The following TMEM131L variants were observed in gnomAD, a reference collection of about 807,000 sequenced individuals.
The protein encoded by TMEM131L is transmembrane protein 131-like.
TMEM131L carries 54 observed loss-of-function variants against 192.2 expected under a neutral mutation model. The ratio of observed to expected loss-of-function variants is 0.28; its 90% CI spans 0.23 to 0.35. TMEM131L has a LOEUF of 0.35. Among genes scored for constraint, TMEM131L ranks in the 10% least tolerant of loss-of-function variants. The probability of loss-of-function intolerance (pLI) is 1.00; values close to 1 mark genes in which losing one functional copy is unlikely to be tolerated. For missense variants in TMEM131L, 1,888 were observed against 1,972.9 expected (o/e 0.96, Z 0.82); for synonymous variants, 701 against 704.9 (o/e 0.99, Z 0.09).
intron 34 of TMEM131L, 62 bp downstream of exon 34, chr4:153,635,633 C>T: frequency 6.3e-7 from 1 of 1,581,868 alleles, no homozygotes; most frequent in Non-Finnish European, 8.7e-7. Context: ...TCCACTGCTT[C>T]CTTAATCCTG....
Position 153,555,769 on chromosome 4 carries a change from C to T in TMEM131L, c.309-18C>T. ...AACCACACAATACATTGATTTTTCT[C>T]TTTGTTTCTCCTCCTAGGTTCCTGG... On this transcript the variant is annotated intron_variant, in intron 4 of 34. Transcript: ENST00000409959. This position sits in a 1 kb window ranked among gnomAD's most constrained non-coding sequence, Gnocchi z 4.1. The T allele has an allele frequency of 6.5e-7, 1 of 1,546,104 alleles. No individual in the cohort carries two copies. Among genetic ancestry groups the T allele is most frequent in the African/African-American group, 1.4e-5 (1 of 72,966 alleles).
intron 3 of TMEM131L, among the ~76,000 whole-genome samples, chr4:153,476,677 A>ACAGATT: frequency 6.6e-6 from 1 of 152,272 alleles, no homozygotes; most frequent in South Asian, 2.1e-4. Flanking sequence ...AGCCTGGGAG[A>ACAGATT]CAGATTCCAT....
intron 3 of TMEM131L, among the ~76,000 whole-genome samples, chr4:153,506,261 T>G (rs1733976073): frequency 6.6e-6 from 1 of 152,192 alleles, no homozygotes; most frequent in African/African-American, 2.4e-5. Context: ...TTCTCAAGGA[T>G]TCCTTGCAAA....
At chr4:153,596,511 G>A in intron 20 of TMEM131L, 126 bp downstream of exon 20, 1 of 1,125,360 alleles carries the variant, frequency 8.9e-7, no homozygotes, top group Non-Finnish European at 1.3e-6. Context: ...TTGCGGGGTA[G>A]GAAGAAGTGG....
At chr4:153,589,059 A>G (rs955869768) in intron 16 of TMEM131L, 52 bp downstream of exon 16, 1 of 952,440 alleles carries the variant, frequency 1.0e-6, no homozygotes, top group Admixed American at 1.7e-5. Flanking sequence ...ACACTGTTAC[A>G]GTAGTCCCTC....
At position 153,581,497 on chromosome 4, in the gene TMEM131L, A is replaced by G; in HGVS notation, c.829A>G (p.Thr277Ala). ...ENFSKEFEEN[T>A]QHLLDHLSIV... ...CTTTTCAAAAGAATTTGAAGAAAAC[A>G]CACAACATTTGTTAGATCATCTCTC... Residue 277 changes from threonine (T) to alanine (A), a missense_variant, in exon 9 of 35, where the codon ACA becomes GCA. Thr to Ala is a moderately conservative substitution (Grantham distance 58). Coordinates refer to ENST00000409959, the MANE Select transcript of TMEM131L (RefSeq NM_001131007.2). The G allele has an allele frequency of 1.2e-6, 2 of 1,605,536 alleles. No individual in the cohort carries two copies. Among genetic ancestry groups the G allele is most frequent in the Non-Finnish European group, 1.7e-6 (2 of 1,175,006 alleles).
At chr4:153,633,243 G>T in intron 32 of TMEM131L, 1 of 168,366 alleles carries the variant, frequency 5.9e-6, no homozygotes. Flanking sequence ...TAGAGACAGA[G>T]TCTTGCTCTG....
chr4:153,488,538 G>A (rs1342821850), intron 3 of TMEM131L, among the ~76,000 whole-genome samples: 1 of 152,194 alleles, frequency 6.6e-6, no homozygotes, highest in Non-Finnish European at 1.5e-5. Context: ...CACTTACAGG[G>A]GAGAAGGGCC....
At chr4:153,522,881 C>T (rs149251061) in intron 3 of TMEM131L, among the ~76,000 whole-genome samples, 1 of 152,320 alleles carries the variant, frequency 6.6e-6, no homozygotes, top group East Asian at 1.9e-4. Flanking sequence ...CTACTTTGAG[C>T]AATGGGTTGC....
intron 27 of TMEM131L, 100 bp downstream of exon 27, chr4:153,620,980 A>AC: frequency 1.3e-6 from 1 of 794,478 alleles, no homozygotes; most frequent in Non-Finnish European, 2.0e-6. Flanking sequence ...GATATTAGAT[A>AC]CCGATAATAT....
Position 153,627,748 on chromosome 4 carries a change from G to A in TMEM131L, c.4207+61G>A, listed in dbSNP as rs942264715. The A allele has an allele frequency of 2.1e-6, 3 of 1,411,624 alleles. No individual in the cohort carries two copies. The African/African-American group carries it at 4.2e-5, about 20-fold the overall frequency. The allele number at this position is 1,411,624 out of a possible 1,614,324, so 87.4% of individuals were successfully genotyped here. On this transcript the variant is annotated intron_variant, in intron 31 of 34. Coordinates refer to ENST00000409959, the MANE Select transcript of TMEM131L (RefSeq NM_001131007.2). ...AGGGTTCTGTGCTGTCTGTATTCCT[G>A]GCTGATGAGTTTGAGAAGACAGAGC... is the stretch of plus-strand genomic sequence containing the variant.
chr4:153,623,422 C>T (rs1056062688), intron 29 of TMEM131L, among the ~76,000 whole-genome samples: 1 of 152,182 alleles, frequency 6.6e-6, no homozygotes, highest in African/African-American at 2.4e-5. Flanking sequence ...AAGTGCATCA[C>T]ATTGTGCAGC....
At chr4:153,612,822 T>C (rs530844608) in intron 26 of TMEM131L, among the ~76,000 whole-genome samples, 48 of 152,260 alleles carry the variant, frequency 3.2e-4, no homozygotes, top group Middle Eastern at 3.4e-3. Flanking sequence ...CATGATATAA[T>C]AGAAGAAAAT....
intron 25 of TMEM131L, among the ~76,000 whole-genome samples, chr4:153,605,298 CTTAT>C (rs1486474132): frequency 6.6e-6 from 1 of 152,126 alleles, no homozygotes; most frequent in Non-Finnish European, 1.5e-5. Context: ...AGGGCCTGTG[CTTAT>C]TTATTTTCTT....
intron 21 of TMEM131L, among the ~76,000 whole-genome samples, chr4:153,601,476 A>G (rs1187113665): frequency 1.3e-5 from 2 of 152,020 alleles, no homozygotes; most frequent in Non-Finnish European, 2.9e-5. Flanking sequence ...GCAGTGAGCT[A>G]TGATCTCACC....
chr4:153,586,395 C>G lies in TMEM131L; in HGVS notation c.1482+16C>G, dbSNP rs756418768. The G allele has an allele frequency of 1.3e-6, 2 of 1,554,528 alleles. No homozygotes were observed. The highest frequency in any genetic ancestry group is 1.7e-6 in the Non-Finnish European group (2 of 1,152,414). ...ACCAACCAAGGTATTTTCTACAATA[C>G]TATATGTGTGTTACAGTTTTCTTAA... On this transcript the variant is annotated intron_variant, in intron 14 of 34. Coordinates refer to ENST00000409959, the MANE Select transcript of TMEM131L (RefSeq NM_001131007.2).
chr4:153,565,100 C>T (rs976466118), intron 7 of TMEM131L, among the ~76,000 whole-genome samples: 11 of 152,196 alleles, frequency 7.2e-5, no homozygotes, highest in South Asian at 2.1e-4. Flanking sequence ...AGCCTGTGCT[C>T]GAGGTCTGCA....
intron 11 of TMEM131L, among the ~76,000 whole-genome samples, chr4:153,584,192 A>G (rs1730553331): frequency 6.6e-6 from 1 of 152,104 alleles, no homozygotes; most frequent in African/African-American, 2.4e-5. Flanking sequence ...GTGTGTGTAC[A>G]TTTAATTTTT....
intron 5 of TMEM131L, among the ~76,000 whole-genome samples, chr4:153,556,133 T>G (rs561284865): frequency 3.5e-5 from 5 of 141,126 alleles, no homozygotes; most frequent in South Asian, 2.4e-4. Flanking sequence ...AGGTGGGGGG[T>G]TGGGGGAGAG....
Sources: gnomAD v4.1 joint callset for allele counts (sites outside exome capture counted in the v4.1 genomes callset) on GRCh38, gnomAD v4.1.1 for gene constraint, Gnocchi (gnomAD v3.1) non-coding constraint, MANE v1.5 for transcripts, NCBI Gene and HGNC (gene_info 2026-07-23, HGNC 2026-07-21) for gene names.